MYH15: variants seen among roughly 807,000 people sequenced by gnomAD.
MYH15 encodes myosin-15.
A neutral mutation model predicts 240.5 loss-of-function variants in MYH15; 227 were observed. The observed-to-expected ratio is 0.94, with a 90% CI of 0.85 to 1.05. The LOEUF (loss-of-function observed/expected upper bound fraction) is 1.05. Among genes scored for constraint, MYH15 ranks in the 50% least tolerant of loss-of-function variants. The probability of loss-of-function intolerance (pLI) is 0.00; values close to 1 mark genes in which losing one functional copy is unlikely to be tolerated. For missense variants in MYH15, 2,217 were observed against 2,247.5 expected, an observed-to-expected ratio of 0.99 and a Z score of 0.27; for synonymous variants, 785 against 796.7, an observed-to-expected ratio of 0.99 and a Z score of 0.25.
In MYH15 at chr3:108,434,401, C is replaced by T. The variant is rs568149613; in HGVS notation, c.3221+3153G>A. 2.4e-4 allele frequency among the ~76,000 whole-genome samples: 37 copies of T among 151,516 alleles called. No individual in the cohort carries two copies. The East Asian group carries it at 2.5e-3, about 10-fold the overall frequency. ...TTATCCATGTTGGCCAGGCTGGTCT[C>T]GAACTCCCAACCTCAGGTGATCTGC... On this transcript the variant is annotated intron_variant, in intron 25 of 40. Transcript: ENST00000693548.
chr3:108,485,348 G>T, intron 10 of MYH15, 119 bp from the exon 11 acceptor site: 1 of 1,131,446 alleles, frequency 8.8e-7, no homozygotes, highest in Non-Finnish European at 1.3e-6. Flanking sequence ...AGACAGCTCT[G>T]TTCAAAGCAA....
In MYH15 at chr3:108,394,140, C is replaced by G; in HGVS notation, c.5150G>C (p.Ser1717Thr). The G allele has an allele frequency of 6.2e-7, 1 of 1,614,064 alleles. No individual in the cohort carries two copies. The highest frequency in any genetic ancestry group is 8.5e-7 in the Non-Finnish European group (1 of 1,179,954). ...LFYTQNTSLL[S>T]QKKKLEADVA... is the part of the protein sequence containing the mutation. ...ATCAGCCTCCAGTTTCTTCTTCTGG[C>G]TGAGGAGGCTTGTGTTCTAAAGAAA... Residue 1717 changes from serine to threonine, a missense_variant, in exon 36 of 41, where the codon AGC becomes ACC. Coordinates refer to ENST00000693548, the MANE Select transcript of MYH15 (RefSeq NM_014981.3).
chr3:108,511,172 A>C (rs1300130557), upstream of MYH15, among the ~76,000 whole-genome samples: 2 of 152,094 alleles, frequency 1.3e-5, no homozygotes, highest in Admixed American at 6.6e-5. Flanking sequence ...AGACCGTTAT[A>C]GACAGAGTAT....
upstream of MYH15, among the ~76,000 whole-genome samples, chr3:108,515,467 TCTG>T (rs757005740): frequency 2.0e-5 from 3 of 152,246 alleles, no homozygotes; most frequent in Non-Finnish European, 2.9e-5. Flanking sequence ...ATATTTAATT[TCTG>T]CCTTTGATTT....
rs1462153058 is a variant in MYH15, at chr3:108,437,699, G to C, written c.3076C>G (p.Leu1026Val). ...CTCTCCTGCTCAAGGGCACCCTCAA[G>C]CTGACAAAAGGAAACATTATTTAGC... ...NLKLEQQVDE[L>V]EGALEQERKA... Residue 1026 changes from leucine to valine, a missense_variant and splice_region_variant, in exon 25 of 41, where the codon CTT becomes GTT. Coordinates refer to ENST00000693548, the MANE Select transcript of MYH15 (RefSeq NM_014981.3). 2 of 1,610,148 alleles carry C rather than the reference G, an allele frequency of 1.2e-6. No homozygotes were observed. Among genetic ancestry groups the C allele is most frequent in the South Asian group, 2.2e-5 (2 of 90,168 alleles).
chr3:108,546,318 T>A, the MYH15 span, among the ~76,000 whole-genome samples: 8 of 152,296 alleles, frequency 5.3e-5, no homozygotes, highest in South Asian at 1.4e-3. Context: ...GAGAAAAGCA[T>A]AACACTACTC....
intron 38 of MYH15, among the ~76,000 whole-genome samples, chr3:108,386,667 CT>C (rs1163809539): frequency 1.3e-5 from 2 of 151,862 alleles, no homozygotes; most frequent in African/African-American, 4.8e-5. Context: ...CCCCATCCTG[CT>C]TGCTTGCATC....
intron 33 of MYH15, among the ~76,000 whole-genome samples, chr3:108,401,793 G>A (rs2082507860): frequency 6.6e-6 from 1 of 152,192 alleles, no homozygotes; most frequent in Non-Finnish European, 1.5e-5. Context: ...TAAAAGGCAT[G>A]GGTATAATAC....
chr3:108,432,990 G>A lies in MYH15; in HGVS notation c.3222-2068C>T, dbSNP rs111510062. ...GTGGAAGTGTAAGAAGAGGGCCACT[G>A]TCCTCCAGATACCAGAATGGTAGAT... On this transcript the variant is annotated intron_variant, in intron 25 of 40. Coordinates refer to ENST00000693548, the MANE Select transcript of MYH15 (RefSeq NM_014981.3). 1.5e-3 allele frequency among the ~76,000 whole-genome samples: 229 copies of A among 152,304 alleles called. 1 individual carries two copies. Among genetic ancestry groups the A allele is most frequent in the African/African-American group, 5.3e-3 (222 of 41,574 alleles).
Position 108,455,856 on chromosome 3 carries a change from G to T in MYH15, c.2142C>A (p.Tyr714Ter). Residue 714 changes from tyrosine (Y) to a stop codon, truncating the protein, a stop_gained, in exon 20 of 41, where the codon TAC (tyrosine) becomes TAA (stop). Coordinates refer to ENST00000693548, the MANE Select transcript of MYH15 (RefSeq NM_014981.3). LOFTEE classifies it high-confidence loss of function. ...GAAAGGTCCTTGGATTCAGAATGCA[G>T]TACCTAATTTAAAATAAAGAAAAAA... ...RLQYADFKQR[Y>*]CILNPRTFPK... 6.2e-7 allele frequency: 1 copy of T among 1,610,736 alleles called. No homozygotes were observed. Among genetic ancestry groups the T allele is most frequent in the Non-Finnish European group, 8.5e-7 (1 of 1,177,296 alleles).
At chr3:108,530,147 T>G (rs1454264232), upstream of MYH15, among the ~76,000 whole-genome samples, 1 of 152,196 alleles carries the variant, frequency 6.6e-6, no homozygotes, top group African/African-American at 2.4e-5. Flanking sequence ...TAGTGGAGAT[T>G]AGCCGTAAAC....
chr3:108,525,034 A>G (rs978424998), intron 1 of MYH15, among the ~76,000 whole-genome samples: 2 of 152,062 alleles, frequency 1.3e-5, no homozygotes, highest in Non-Finnish European at 2.9e-5. Flanking sequence ...ACTTAATTAC[A>G]TAGTTACACC....
upstream of MYH15, among the ~76,000 whole-genome samples, chr3:108,510,846 A>G (rs750986387): frequency 3.3e-5 from 5 of 152,208 alleles, no homozygotes; most frequent in Non-Finnish European, 7.3e-5. Flanking sequence ...GCCCATGAAA[A>G]TGTTTAATTT....
chr3:108,509,021 AT>A (rs940508792), intron 1 of MYH15, among the ~76,000 whole-genome samples: 5 of 152,164 alleles, frequency 3.3e-5, no homozygotes, highest in African/African-American at 9.7e-5. Context: ...AAGTGAAGTG[AT>A]TTGCTCTAAT....
At chr3:108,484,624 G>A (rs1327116758) in intron 11 of MYH15, among the ~76,000 whole-genome samples, 1 of 152,028 alleles carries the variant, frequency 6.6e-6, no homozygotes, top group African/African-American at 2.4e-5. Flanking sequence ...GATTATAGGC[G>A]TGCGCAACCA....
At chr3:108,400,645 C>G (rs923028823) in intron 33 of MYH15, among the ~76,000 whole-genome samples, 8 of 152,194 alleles carry the variant, frequency 5.3e-5, no homozygotes, top group African/African-American at 1.9e-4. Context: ...CCCATCCCTA[C>G]TAAAAATACA....
intron 1 of MYH15, among the ~76,000 whole-genome samples, chr3:108,523,228 G>A (rs2083636302): frequency 1.3e-5 from 2 of 151,742 alleles, no homozygotes; most frequent in Admixed American, 6.6e-5. Flanking sequence ...GTGGGATTAT[G>A]GATTCTTTTA....
chr3:108,500,914 A>G (rs1271523127), intron 3 of MYH15, among the ~76,000 whole-genome samples: 1 of 152,190 alleles, frequency 6.6e-6, no homozygotes, highest in African/African-American at 2.4e-5. Flanking sequence ...ATACAACCAA[A>G]AGGAATGCTA....
At chr3:108,383,760 C>G in intron 39 of MYH15, 31 bp from the exon 40 acceptor site, 1 of 1,385,782 alleles carries the variant, frequency 7.2e-7, no homozygotes, top group Admixed American at 2.3e-5. Context: ...AAAAAGAAAT[C>G]TCCATGCCTA....
Sources: allele counts gnomAD v4.1 joint callset (sites outside exome capture counted in the v4.1 genomes callset), GRCh38; gene constraint gnomAD v4.1.1; transcripts MANE v1.5; gene names NCBI Gene and HGNC (gene_info 2026-07-23, HGNC 2026-07-21).